The following SRRM4 variants were observed in gnomAD, a reference collection of about 807,000 sequenced individuals.
SRRM4 encodes serine/arginine repetitive matrix protein 4.
A neutral mutation model predicts 68.9 loss-of-function variants in SRRM4; 33 were observed. That is an observed-to-expected ratio of 0.48 (90% CI 0.36 to 0.64). The LOEUF (loss-of-function observed/expected upper bound fraction) is 0.64, where lower values mean the gene tolerates loss of function less well. Among genes scored for constraint, SRRM4 ranks in the 30% least tolerant of loss-of-function variants. The pLI is 0.00. For synonymous variants in SRRM4, 318 were observed against 318.8 expected (o/e 1.00, Z 0.03); for missense variants, 817 against 827.1 (o/e 0.99, Z 0.15).
chr12:119,128,665 G>A (rs1954275389), intron 7 of SRRM4, among the ~76,000 whole-genome samples: 1 of 152,202 alleles, frequency 6.6e-6, no homozygotes, highest in Non-Finnish European at 1.5e-5. Context: ...AGGGATCTGA[G>A]CGAGGTCACA....
chr12:119,155,578 C>G (rs1257425279), intron 12 of SRRM4, among the ~76,000 whole-genome samples: 1 of 152,144 alleles, frequency 6.6e-6, no homozygotes, highest in African/African-American at 2.4e-5. Context: ...ACCAAAAATA[C>G]AAAACACTAG....
intron 4 of SRRM4, among the ~76,000 whole-genome samples, chr12:119,119,937 A>G (rs1032867125): frequency 3.9e-5 from 6 of 152,114 alleles, no homozygotes; most frequent in African/African-American, 1.4e-4. Context: ...GAAATTCAGA[A>G]TCAAACCAGT....
chr12:119,135,062 C>T (rs1954319763), intron 8 of SRRM4, among the ~76,000 whole-genome samples: 1 of 152,098 alleles, frequency 6.6e-6, no homozygotes, highest in Admixed American at 6.5e-5. Context: ...AAAATAGGCC[C>T]TGTGAGGTGC....
At chr12:119,140,970 A>C (rs1592914512) in intron 8 of SRRM4, among the ~76,000 whole-genome samples, 1 of 152,240 alleles carries the variant, frequency 6.6e-6, no homozygotes, top group East Asian at 1.9e-4. Context: ...AGAAGAGAAT[A>C]ATTTTTTTTG....
intron 1 of SRRM4, among the ~76,000 whole-genome samples, chr12:119,073,375 T>C (rs191931667): frequency 4.0e-4 from 59 of 148,056 alleles, no homozygotes; most frequent in African/African-American, 1.3e-3. Flanking sequence ...CAGGCTGGAG[T>C]GCAGTGCAGT....
At chr12:119,033,149 T>C (rs1953602719) in intron 1 of SRRM4, among the ~76,000 whole-genome samples, 2 of 152,202 alleles carry the variant, frequency 1.3e-5, no homozygotes, top group Non-Finnish European at 2.9e-5. Context: ...CCTTCCTCCT[T>C]TGTTTTAATT....
chr12:119,042,668 G>T (rs1477460296), intron 1 of SRRM4, among the ~76,000 whole-genome samples: 1 of 151,680 alleles, frequency 6.6e-6, no homozygotes, highest in Admixed American at 6.6e-5. Context: ...AAGGAGAAGA[G>T]GAAAGAAGGG....
intron 1 of SRRM4, among the ~76,000 whole-genome samples, chr12:119,018,807 T>C (rs1028966758): frequency 1.5e-4 from 23 of 152,282 alleles, no homozygotes; most frequent in Admixed American, 1.2e-3. Flanking sequence ...TTAGAAATTT[T>C]GTATCCTCAG....
At chr12:119,027,782 A>G (rs1953558700) in intron 1 of SRRM4, among the ~76,000 whole-genome samples, 1 of 152,256 alleles carries the variant, frequency 6.6e-6, no homozygotes, top group Admixed American at 6.5e-5. Context: ...AGGTATGTAG[A>G]CACATAAAGG....
chr12:119,148,022 G>A (rs1336051743), intron 9 of SRRM4, among the ~76,000 whole-genome samples: 1 of 150,350 alleles, frequency 6.7e-6, no homozygotes, highest in East Asian at 2.0e-4. Context: ...TTTCTCAGGA[G>A]CTTATAATTA....
chr12:118,996,283 C>A (rs149202427), intron 1 of SRRM4, among the ~76,000 whole-genome samples: 2 of 152,280 alleles, frequency 1.3e-5, no homozygotes, highest in East Asian at 3.9e-4. Flanking sequence ...GTTTGTTTTT[C>A]TTCTCTGAGG....
At chr12:119,104,432 A>C (rs930802369) in intron 2 of SRRM4, among the ~76,000 whole-genome samples, 4 of 146,988 alleles carry the variant, frequency 2.7e-5, no homozygotes, top group African/African-American at 9.7e-5. Flanking sequence ...GATAATAATA[A>C]TAACAGTGAT....
intron 9 of SRRM4, among the ~76,000 whole-genome samples, chr12:119,146,162 C>T (rs371917251): frequency 6.6e-6 from 1 of 152,130 alleles, no homozygotes; most frequent in Admixed American, 6.5e-5. Flanking sequence ...GTGTCAGATG[C>T]CATCACTAGG....
chr12:119,118,392 C>T (rs1429472124), intron 4 of SRRM4, among the ~76,000 whole-genome samples: 2 of 152,250 alleles, frequency 1.3e-5, no homozygotes, highest in African/African-American at 2.4e-5. Flanking sequence ...CCCTGCATCT[C>T]AAGTCCAGTT....
chr12:119,063,574 G>A (rs1185578277), intron 1 of SRRM4, among the ~76,000 whole-genome samples: 1 of 152,158 alleles, frequency 6.6e-6, no homozygotes, highest in Non-Finnish European at 1.5e-5. Flanking sequence ...GTCAAAGAAA[G>A]CCATGGCACC....
intron 1 of SRRM4, among the ~76,000 whole-genome samples, chr12:119,100,172 T>C (rs1303407238): frequency 6.6e-6 from 1 of 152,006 alleles, no homozygotes; most frequent in East Asian, 1.9e-4. Flanking sequence ...CTTAGCTCTG[T>C]ATGCTGCTTT....
chr12:119,041,171 T>C (rs999026453), intron 1 of SRRM4, among the ~76,000 whole-genome samples: 2 of 152,162 alleles, frequency 1.3e-5, no homozygotes, highest in African/African-American at 4.8e-5. Context: ...GTCCTTCAAA[T>C]GAGGAAACCA....
chr12:118,985,319 T>A (rs1953274896), intron 1 of SRRM4, among the ~76,000 whole-genome samples: 1 of 152,206 alleles, frequency 6.6e-6, no homozygotes, highest in African/African-American at 2.4e-5. Context: ...GATTCAGAAT[T>A]GATTGGTATA....
At chr12:119,038,498 A>T (rs934892401) in intron 1 of SRRM4, among the ~76,000 whole-genome samples, 4 of 152,208 alleles carry the variant, frequency 2.6e-5, no homozygotes, top group African/African-American at 9.6e-5. Context: ...GGCGTGAGCC[A>T]CCGCACCCGG....
Sources: allele counts gnomAD v4.1 joint callset (sites outside exome capture counted in the v4.1 genomes callset), GRCh38; gene constraint gnomAD v4.1.1; transcripts MANE v1.5; gene names NCBI Gene and HGNC (gene_info 2026-07-23, HGNC 2026-07-21).